Variants in XPO6 observed in about 807,000 individuals in gnomAD.
The protein encoded by XPO6 is exportin 6, also known as exportin-6.
XPO6 carries 3 observed loss-of-function variants against 130.0 expected under a neutral mutation model. The ratio of observed to expected loss-of-function variants is 0.02; its 90% CI spans 0.01 to 0.06. The LOEUF is 0.06. XPO6 is among the 10% of genes least tolerant of loss of function. XPO6 has a pLI of 1.00. For missense variants in XPO6, 970 were observed against 1,393.0 expected (o/e 0.70, Z 4.83); for synonymous variants, 524 against 548.9 (o/e 0.95, Z 0.63).
chr16:28,103,152 A>ACCCTCACC (rs2086689413), intron 21 of XPO6, among the ~76,000 whole-genome samples: 2 of 151,984 alleles, frequency 1.3e-5, no homozygotes, highest in South Asian at 4.2e-4. Flanking sequence ...GTCCCCTCAC[A>ACCCTCACC]CCCTCACCCC....
intron 6 of XPO6, chr16:28,165,256 A>G (rs867848727): frequency 5.8e-4 from 89 of 152,190 alleles, no homozygotes; most frequent in African/African-American, 2.1e-3. Flanking sequence ...ATTTAAACGA[A>G]AAAACAAACT....
chr16:28,178,185 AAC>A (rs1372248747), intron 2 of XPO6, among the ~76,000 whole-genome samples: 1 of 152,204 alleles, frequency 6.6e-6, no homozygotes, highest in Non-Finnish European at 1.5e-5. Flanking sequence ...GGAAAAGCAG[AAC>A]ACACAGCAGC....
intron 14 of XPO6, among the ~76,000 whole-genome samples, 187 bp downstream of exon 14, chr16:28,121,483 C>G (rs1316580272): frequency 6.6e-6 from 1 of 152,218 alleles, no homozygotes; most frequent in Non-Finnish European, 1.5e-5. Flanking sequence ...CCTAATTCCA[C>G]TTTCTCCAAC....
chr16:28,141,215 A>G (rs1416202901), intron 9 of XPO6, among the ~76,000 whole-genome samples: 2 of 152,194 alleles, frequency 1.3e-5, no homozygotes, highest in East Asian at 3.9e-4. Context: ...CAGAATCCCT[A>G]CGTTGGTTTG....
In XPO6 at chr16:28,101,392, T is replaced by C. The variant is rs781604530; in HGVS notation, c.3276+66A>G. The C allele has an allele frequency of 7.0e-7, 1 of 1,438,816 alleles. No individual in the cohort carries two copies. The allele number at this position is 1,438,816 out of a possible 1,614,324, so 89.1% of individuals were successfully genotyped here. A position where few individuals can be genotyped will look rare whatever the true frequency, so the allele number is the denominator to read the frequency against. On this transcript the variant is annotated intron_variant, in intron 23 of 23. Transcript: ENST00000304658. This position sits in a 1 kb window ranked among gnomAD's most constrained non-coding sequence, Gnocchi z 5.4. The stretch of plus-strand genomic sequence containing the variant: ...AGGCCTCAATGTGCCCCCTCCTTGC[T>C]GCACAGGTGCCAGGCTTGCGTGCCC...
chr16:28,125,328 C>G (rs911955798), intron 13 of XPO6, among the ~76,000 whole-genome samples: 1 of 152,174 alleles, frequency 6.6e-6, no homozygotes, highest in African/African-American at 2.4e-5. Flanking sequence ...GAAGACTGAC[C>G]TCTCCTGGTT....
At chr16:28,141,258 G>C (rs1290139462) in intron 9 of XPO6, among the ~76,000 whole-genome samples, 6 of 152,160 alleles carry the variant, frequency 3.9e-5, no homozygotes, top group Admixed American at 2.6e-4. Flanking sequence ...TAGTCACAAA[G>C]AGGCTCACAG....
At chr16:28,136,740 C>T (rs2042786908) in intron 9 of XPO6, among the ~76,000 whole-genome samples, 1 of 152,178 alleles carries the variant, frequency 6.6e-6, no homozygotes, top group African/African-American at 2.4e-5. Flanking sequence ...CAATTGCTAC[C>T]ACAAGGACCA....
chr16:28,135,141 T>C (rs2042750367), intron 10 of XPO6, 75 bp downstream of exon 10: 3 of 1,249,908 alleles, frequency 2.4e-6, no homozygotes, highest in Non-Finnish European at 3.5e-6. Context: ...CAGAGGGCTC[T>C]GGGTTCCAGG....
chr16:28,187,624 T>C (rs991670572), intron 1 of XPO6, among the ~76,000 whole-genome samples: 13 of 150,484 alleles, frequency 8.6e-5, no homozygotes, highest in African/African-American at 2.2e-4. Context: ...TCACTGTTCA[T>C]ACGTCATAGA....
chr16:28,099,084 T>C (rs1596763881), intron 23 of XPO6, among the ~76,000 whole-genome samples: 1 of 152,188 alleles, frequency 6.6e-6, no homozygotes, highest in Non-Finnish European at 1.5e-5. Context: ...TTCTTCACCA[T>C]GGCCCCTTGA....
chr16:28,174,713 T>C (rs1261076435), intron 4 of XPO6, among the ~76,000 whole-genome samples: 1 of 152,236 alleles, frequency 6.6e-6, no homozygotes, highest in Non-Finnish European at 1.5e-5. Flanking sequence ...ATCATTAAAA[T>C]GGTTTGTATG....
chr16:28,203,861 A>G (rs923358684), intron 1 of XPO6, among the ~76,000 whole-genome samples: 2 of 152,186 alleles, frequency 1.3e-5, no homozygotes, highest in Non-Finnish European at 2.9e-5. Context: ...CTGGTTTCCC[A>G]CATCTAACCT....
chr16:28,120,957 G>A (rs1294687578), intron 14 of XPO6, among the ~76,000 whole-genome samples: 2 of 152,252 alleles, frequency 1.3e-5, no homozygotes, highest in Non-Finnish European at 2.9e-5. Context: ...AAAGCAGTCA[G>A]TAAGCCAGAT....
intron 13 of XPO6, 87 bp from the exon 14 acceptor site, chr16:28,121,849 G>GT: frequency 2.4e-6 from 2 of 842,944 alleles, no homozygotes; most frequent in Non-Finnish European, 4.0e-6. Flanking sequence ...AGCAAAGAGC[G>GT]TAAGGGCAGA....
chr16:28,139,060 C>G (rs1477204456), intron 9 of XPO6, among the ~76,000 whole-genome samples: 2 of 152,300 alleles, frequency 1.3e-5, no homozygotes, highest in South Asian at 2.1e-4. Flanking sequence ...CCAAAAAGTA[C>G]TCATTCATAT....
intron 6 of XPO6, among the ~76,000 whole-genome samples, chr16:28,165,060 T>C (rs1450867303): frequency 6.6e-6 from 1 of 151,842 alleles, no homozygotes; most frequent in Non-Finnish European, 1.5e-5. Context: ...CTACAAAAAA[T>C]ACAAAAATTA....
At position 28,211,501 on chromosome 16, in the gene XPO6, CG is replaced by C. The variant is rs1567656947; in HGVS notation, c.-134del. 9.1e-7 allele frequency: 1 copy of C among 1,098,334 alleles called. No individual in the cohort carries two copies. 68.0% of individuals were successfully genotyped at this position (1,098,334 alleles called of 1,614,324 possible). A position where few individuals can be genotyped will look rare whatever the true frequency, so the allele number is the denominator to read the frequency against. ...CATGCAAAGACAACCCCTTCCCCAC[CG>C]GGCCCCGAGGGGACCCTCTAAAAAG... On this transcript the variant is annotated 5_prime_UTR_variant, in exon 1 of 24. Transcript: ENST00000304658.
At chr16:28,203,529 G>C (rs143606604) in intron 1 of XPO6, among the ~76,000 whole-genome samples, 1 of 152,250 alleles carries the variant, frequency 6.6e-6, no homozygotes, top group East Asian at 1.9e-4. Context: ...CGCCACAACT[G>C]CTCACCTACC....
Sources: allele counts gnomAD v4.1 joint callset (sites outside exome capture counted in the v4.1 genomes callset), GRCh38; gene constraint gnomAD v4.1.1; non-coding constraint Gnocchi (gnomAD v3.1); transcripts MANE v1.5; gene names NCBI Gene and HGNC (gene_info 2026-07-23, HGNC 2026-07-21).